The following LRRC57 variants were observed in gnomAD, a reference collection of about 807,000 sequenced individuals.
The protein encoded by LRRC57 is leucine rich repeat containing 57.
Under a neutral mutation model 23.1 loss-of-function variants are expected in LRRC57, and 14 were observed. That is an observed-to-expected ratio of 0.61 (90% CI 0.40 to 0.95). The LOEUF (loss-of-function observed/expected upper bound fraction) is 0.95. Ranked by LOEUF, LRRC57 falls within the 40% of genes least tolerant of loss-of-function variation. The pLI is 0.00. For missense variants in LRRC57, 236 were observed against 284.4 expected, an observed-to-expected ratio of 0.83 and a Z score of 1.22; for synonymous variants, 106 against 115.2, an observed-to-expected ratio of 0.92 and a Z score of 0.51.
the LRRC57 span, chr15:42,531,330 G>C: frequency 2.6e-3 from 2,156 of 826,912 alleles, 24 homozygotes; most frequent in African/African-American, 0.035. Flanking sequence ...TTTTCTTGGT[G>C]TGTCAGTTAC....
chr15:42,548,242 G>T lies in LRRC57; in HGVS notation c.87C>A (p.Phe29Leu), dbSNP rs754529598. ...FQLKDRGLTEFPADLQKLTSN... is the reference protein window; with the variant it reads ...FQLKDRGLTELPADLQKLTSN... ...TCGTCAGCTTCTGCAAGTCTGCGGG[G>T]AACTGGAGAAAGGAGTTCACAGCGT... is the stretch of plus-strand genomic sequence containing the variant. The change falls in exon 3 of 6, where the codon TTC becomes TTA. Residue 29 changes from phenylalanine (F) to leucine (L), a missense_variant and splice_region_variant. Transcript: ENST00000397130. 20 of 1,614,100 alleles carry T rather than the reference G, an allele frequency of 1.2e-5. No homozygotes were observed. In the African/African-American group the frequency reaches 2.5e-4, roughly 20 times the overall value.
chr15:42,529,961 T>A, the LRRC57 span: 1 of 884,350 alleles, frequency 1.1e-6, no homozygotes, highest in Non-Finnish European at 1.7e-6. Flanking sequence ...GTGGTGGTTC[T>A]AACACATAAA....
chr15:42,529,077 A>T, the LRRC57 span, among the ~76,000 whole-genome samples: 2 of 152,338 alleles, frequency 1.3e-5, no homozygotes, highest in East Asian at 3.9e-4. Flanking sequence ...CGAGCCAGAG[A>T]GTTAATATTT....
At chr15:42,545,344 A>G in intron 4 of LRRC57, 82 bp from the exon 5 acceptor site, 1 of 901,470 alleles carries the variant, frequency 1.1e-6, no homozygotes, top group South Asian at 2.9e-5. Flanking sequence ...ACAAAACAAA[A>G]ATCTTTACTT....
Position 42,541,707 on chromosome 15 carries a change from TA to T in LRRC57, c.*2375del, listed in dbSNP as rs1336023300. 6.6e-6 allele frequency: 1 copy of T among 152,022 alleles called. No homozygotes were observed. Among genetic ancestry groups the T allele is most frequent in the Non-Finnish European group, 1.5e-5 (1 of 68,018 alleles). The allele number at this position is 152,022 out of a possible 1,614,324, so 9.4% of individuals were successfully genotyped here. A position where few individuals can be genotyped will look rare whatever the true frequency, so the allele number is the denominator to read the frequency against. ...GAAAATGACCAAAATGGTAGCTTTC[TA>T]AATGTTGATGTTAGTGGTAGTCTGA... is the stretch of plus-strand genomic sequence containing the variant. On this transcript the variant is annotated 3_prime_UTR_variant, in exon 6 of 6. Transcript: ENST00000397130.
In LRRC57 at chr15:42,547,330, G is replaced by A. The variant is rs775239679; in HGVS notation, c.423C>T (p.Asn141=). ...CTGAGTCAGGTATACTTCGAATCTG[G>A]TTCTTAGAGAGATCCATCACATCCA... The part of the protein sequence containing the change: ...RHLDVMDLSK[N]QIRSIPDSVG... Residue 141 remains asparagine (N), a synonymous_variant, in exon 4 of 6, where the codon AAC becomes AAT. Transcript: ENST00000397130. 11 of 1,614,198 alleles carry A rather than the reference G, an allele frequency of 6.8e-6. No individual in the cohort carries two copies. In the South Asian group the frequency reaches 1.2e-4, roughly 18 times the overall value.
chr15:42,545,798 C>T (rs2057655858), intron 4 of LRRC57, among the ~76,000 whole-genome samples: 1 of 152,030 alleles, frequency 6.6e-6, no homozygotes, highest in South Asian at 2.1e-4. Flanking sequence ...TTCTTCCTTA[C>T]TTCTCTTGTT....
chr15:42,544,025 C>T lies in LRRC57; in HGVS notation c.*58G>A. The T allele has an allele frequency of 1.4e-6, 2 of 1,476,086 alleles. No homozygotes were observed. The highest frequency in any genetic ancestry group is 2.3e-5 in the South Asian group (2 of 85,910). 91.4% of individuals were successfully genotyped at this position (1,476,086 alleles called of 1,614,324 possible). ...ACAACAGGAGGCTTTGACTCAGCCA[C>T]ATTCCAACAGAGGTTCTAAGTCAGT... On this transcript the variant is annotated 3_prime_UTR_variant, in exon 6 of 6. Transcript: ENST00000397130.
the LRRC57 span, among the ~76,000 whole-genome samples, chr15:42,530,128 A>G: frequency 6.6e-6 from 1 of 152,276 alleles, no homozygotes; most frequent in South Asian, 2.1e-4. Context: ...TTATTTTGTT[A>G]ACTAATTTTT....
At chr15:42,531,102 A>C in the LRRC57 span, among the ~76,000 whole-genome samples, 1 of 152,214 alleles carries the variant, frequency 6.6e-6, no homozygotes, top group Non-Finnish European at 1.5e-5. Context: ...TTCATATTTC[A>C]TTGCATCAAA....
At position 42,548,245 on chromosome 15, in the gene LRRC57, C is replaced by A; in HGVS notation, c.85-1G>T. The A allele has an allele frequency of 6.2e-7, 1 of 1,614,224 alleles. No individual in the cohort carries two copies. The highest frequency in any genetic ancestry group is 1.1e-5 in the South Asian group (1 of 91,086). ...TCAGCTTCTGCAAGTCTGCGGGGAA[C>A]TGGAGAAAGGAGTTCACAGCGTGGG... On this transcript the variant is annotated splice_acceptor_variant, in intron 2 of 5. Coordinates refer to ENST00000397130, the MANE Select transcript of LRRC57 (RefSeq NM_153260.3). LOFTEE classifies it high-confidence loss of function.
At chr15:42,544,841 AC>A (rs201979927) in intron 5 of LRRC57, among the ~76,000 whole-genome samples, 12,882 of 103,532 alleles carry the variant, frequency 0.12, 1,052 homozygotes, top group African/African-American at 0.25. Flanking sequence ...ACACACACAC[AC>A]TATATATATA....
intron 3 of LRRC57, 127 bp from the exon 4 acceptor site, chr15:42,547,656 C>A: frequency 1.2e-6 from 1 of 824,574 alleles, no homozygotes; most frequent in Non-Finnish European, 1.9e-6. Context: ...CCCACATGTG[C>A]CATTTTTAGA....
the LRRC57 span, chr15:42,529,855 C>T: frequency 1.2e-6 from 2 of 1,604,620 alleles, no homozygotes; most frequent in Non-Finnish European, 1.7e-6. Context: ...AAATGAGACA[C>T]CCAGTTCAGT....
chr15:42,534,749 T>C (rs1367056032), downstream of LRRC57, among the ~76,000 whole-genome samples: 1 of 152,236 alleles, frequency 6.6e-6, no homozygotes, highest in Non-Finnish European at 1.5e-5. Context: ...TCATCAGAGC[T>C]CTTGGGTGAC....
the LRRC57 span, among the ~76,000 whole-genome samples, chr15:42,529,007 G>T: frequency 0.98 from 149,690 of 152,350 alleles, 73,584 homozygotes; most frequent in East Asian, 1. Context: ...GAAAAAAATA[G>T]GTTTTAAAAT....
In LRRC57 at chr15:42,547,363, T is replaced by A. The variant is rs140832695; in HGVS notation, c.390A>T (p.Leu130=). ...LGALPPQLCS[L]RHLDVMDLSK... ...AGAGATCCATCACATCCAGGTGCCG[T>A]AGGCTACAAAGTTGGGGAGGTAATG... Residue 130 remains leucine (L), a synonymous_variant, in exon 4 of 6, where the codon CTA becomes CTT. Coordinates refer to ENST00000397130, the MANE Select transcript of LRRC57 (RefSeq NM_153260.3). The A allele has an allele frequency of 2.9e-5, 47 of 1,614,070 alleles. No homozygotes were observed. Among genetic ancestry groups the A allele is most frequent in the Non-Finnish European group, 3.8e-5 (45 of 1,180,046 alleles).
chr15:42,529,306 A>G, the LRRC57 span, among the ~76,000 whole-genome samples: 6 of 152,292 alleles, frequency 3.9e-5, no homozygotes, highest in East Asian at 1.2e-3. Flanking sequence ...CATTAGAACC[A>G]CTTGAGGGGC....
In LRRC57 at chr15:42,538,271, C is replaced by G. The variant is rs2057610844; in HGVS notation, c.*5812G>C. ...CTCTTACCAAAACTTCAGGTTATCC[C>G]AATTACATTCCTAATCAGATTTTAT... On this transcript the variant is annotated 3_prime_UTR_variant, in exon 6 of 6. Transcript: ENST00000397130. 1 of 152,142 alleles carries G rather than the reference C, an allele frequency of 6.6e-6. No individual in the cohort carries two copies. Among genetic ancestry groups the G allele is most frequent in the Non-Finnish European group, 1.5e-5 (1 of 68,020 alleles). 9.4% of individuals were successfully genotyped at this position (152,142 alleles called of 1,614,324 possible).
Sources: gnomAD v4.1 joint callset for allele counts (sites outside exome capture counted in the v4.1 genomes callset) on GRCh38, gnomAD v4.1.1 for gene constraint, MANE v1.5 for transcripts, NCBI Gene and HGNC (gene_info 2026-07-23, HGNC 2026-07-21) for gene names.